ACAD10: variants seen among roughly 807,000 people sequenced by gnomAD.
ACAD10 encodes the protein acyl-CoA dehydrogenase family member 10.
ACAD10 carries 112 observed loss-of-function variants against 116.8 expected under a neutral mutation model. The observed-to-expected ratio is 0.96, with a 90% confidence interval of 0.82 to 1.12. The LOEUF is 1.12. Among genes scored for constraint, ACAD10 ranks in the 50% most tolerant of loss-of-function variants. ACAD10 has a pLI of 0.00. For missense variants in ACAD10, 1,259 were observed against 1,350.2 expected (o/e 0.93, Z 1.06); for synonymous variants, 486 against 510.6 (o/e 0.95, Z 0.65).
intron 5 of ACAD10, chr12:111,709,949 G>T (rs986010488): frequency 1.1e-4 from 49 of 429,718 alleles, no homozygotes; most frequent in Non-Finnish European, 2.0e-4. Context: ...ACCTTTGTGG[G>T]GGTGTTCACA....
At chr12:111,709,412 T>C (rs1474941546) in intron 4 of ACAD10, 114 bp from the exon 5 acceptor site, 2 of 867,790 alleles carry the variant, frequency 2.3e-6, no homozygotes, top group African/African-American at 3.5e-5. Flanking sequence ...AATTACTTGT[T>C]ATAATAAATC....
intron 5 of ACAD10, chr12:111,710,463 C>T (rs536913983): frequency 7.7e-6 from 2 of 258,334 alleles, no homozygotes; most frequent in South Asian, 3.2e-5. Context: ...GTAACATAAT[C>T]TTCTTTCTTC....
At chr12:111,746,705 A>G (rs1199475961) in intron 14 of ACAD10, among the ~76,000 whole-genome samples, 1 of 152,006 alleles carries the variant, frequency 6.6e-6, no homozygotes, top group African/African-American at 2.4e-5. Flanking sequence ...AGCTTGAAAT[A>G]TTAATGTGAG....
intron 11 of ACAD10, among the ~76,000 whole-genome samples, chr12:111,736,339 C>T (rs1027094053): frequency 5.3e-5 from 8 of 151,912 alleles, no homozygotes; most frequent in South Asian, 2.1e-4. Context: ...TACAGGTGCA[C>T]GCCACCATGC....
chr12:111,745,194 T>G, intron 13 of ACAD10, 151 bp downstream of exon 13: 1 of 861,408 alleles, frequency 1.2e-6, no homozygotes, highest in Non-Finnish European at 1.7e-6. Context: ...AAGAGCCAGC[T>G]CTTCATGACT....
chr12:111,722,901 C>T (rs1295272103), intron 8 of ACAD10, among the ~76,000 whole-genome samples: 5 of 151,956 alleles, frequency 3.3e-5, no homozygotes, highest in African/African-American at 4.8e-5. Flanking sequence ...AGCTGTTGGG[C>T]ACACCTCCCA....
chr12:111,753,769 C>G lies in ACAD10; in HGVS notation c.2818-3C>G. The G allele has an allele frequency of 6.2e-7, 1 of 1,613,904 alleles. No homozygotes were observed. Among genetic ancestry groups the G allele is most frequent in the South Asian group, 1.1e-5 (1 of 91,084 alleles). On this transcript the variant is annotated splice_polypyrimidine_tract_variant and splice_region_variant and intron_variant, in intron 18 of 20. Coordinates refer to ENST00000313698, the MANE Select transcript of ACAD10 (RefSeq NM_025247.6). The stretch of plus-strand genomic sequence containing the variant: ...CTCAGCCGCACATCTCCTGTGTCGA[C>G]AGGTGAAGTCCCGCTTGGCTTTTGG...
At chr12:111,711,475 C>G (rs1296980822) in intron 5 of ACAD10, among the ~76,000 whole-genome samples, 4 of 151,716 alleles carry the variant, frequency 2.6e-5, no homozygotes, top group Non-Finnish European at 5.9e-5. Context: ...TCCCAAAGTA[C>G]TGGGATTACA....
chr12:111,693,327 C>T (rs1254897245), intron 2 of ACAD10, among the ~76,000 whole-genome samples: 1 of 152,032 alleles, frequency 6.6e-6, no homozygotes, highest in Non-Finnish European at 1.5e-5. Context: ...TCGTTTGAGC[C>T]CAGGAGTTCA....
chr12:111,756,692 T>C lies in ACAD10; in HGVS notation c.*219T>C, dbSNP rs1393540805. The stretch of plus-strand genomic sequence containing the variant: ...TTCAGGCCAGGAGGAGGGGATTTGC[T>C]GAGGGCCAAGGGGGTTCTGGGACAG... On this transcript the variant is annotated 3_prime_UTR_variant, in exon 21 of 21. Transcript: ENST00000313698. The C allele has an allele frequency of 3.7e-6, 3 of 801,018 alleles. No homozygotes were observed. In the African/African-American group the frequency reaches 5.1e-5, roughly 14 times the overall value. The allele number at this position is 801,018 out of a possible 1,614,324, so 49.6% of individuals were successfully genotyped here. A position where few individuals can be genotyped will look rare whatever the true frequency, so the allele number is the denominator to read the frequency against.
In ACAD10 at chr12:111,727,977, C is replaced by G; in HGVS notation, c.1077C>G (p.Pro359=). The G allele has an allele frequency of 6.2e-7, 1 of 1,610,878 alleles. No individual in the cohort carries two copies. Among genetic ancestry groups the G allele is most frequent in the Non-Finnish European group, 8.5e-7 (1 of 1,179,010 alleles). Residue 359 remains proline (P), a synonymous_variant, in exon 9 of 21, where the codon CCC becomes CCG. Transcript: ENST00000313698. ...LCEDSSVIGT[P]FYVMEYCPGL... is the part of the protein sequence containing the mutation. The stretch of plus-strand genomic sequence containing the variant: ...TTCCTCCCAGTGTCATTGGCACCCC[C>G]TTCTATGTGATGGAGTACTGCCCAG...
intron 2 of ACAD10, among the ~76,000 whole-genome samples, chr12:111,695,989 G>T (rs1888179584): frequency 6.8e-6 from 1 of 147,678 alleles, no homozygotes; most frequent in Non-Finnish European, 1.5e-5. Context: ...GCTGCAGCTT[G>T]GGAGACAGAG....
At chr12:111,694,679 C>T (rs891214742) in intron 2 of ACAD10, among the ~76,000 whole-genome samples, 6 of 152,212 alleles carry the variant, frequency 3.9e-5, no homozygotes, top group Admixed American at 1.3e-4. Flanking sequence ...CTGCCTCTGG[C>T]TCTCTGGATT....
intron 8 of ACAD10, among the ~76,000 whole-genome samples, chr12:111,724,344 C>T (rs906678824): frequency 6.6e-6 from 1 of 152,046 alleles, no homozygotes; most frequent in African/African-American, 2.4e-5. Flanking sequence ...CAGAGGGGCT[C>T]CTCACATCCC....
chr12:111,729,485 G>A (rs1283755593), intron 9 of ACAD10, among the ~76,000 whole-genome samples: 3 of 152,148 alleles, frequency 2.0e-5, no homozygotes, highest in African/African-American at 7.2e-5. Flanking sequence ...GCCTGCGTTG[G>A]CCTCCCAAAG....
Position 111,692,850 on chromosome 12 carries a change from C to G in ACAD10, c.141C>G (p.Phe47Leu). The G allele has an allele frequency of 6.2e-7, 1 of 1,614,176 alleles. No homozygotes were observed. Among genetic ancestry groups the G allele is most frequent in the Non-Finnish European group, 8.5e-7 (1 of 1,180,024 alleles). The change falls in exon 2 of 21, where the codon TTC becomes TTG. Residue 47 changes from phenylalanine (F) to leucine (L), a missense_variant. Transcript: ENST00000313698. ...GCAGCACCTACAGAGCGGTGATTTT[C>G]GACATGGGCGGAGTTCTCATTCCTT... ...LGGSTYRAVI[F>L]DMGGVLIPSP...
At chr12:111,690,131 C>T (rs1447421248) in intron 1 of ACAD10, among the ~76,000 whole-genome samples, 2 of 152,158 alleles carry the variant, frequency 1.3e-5, no homozygotes, top group African/African-American at 4.8e-5. Context: ...ACTTAAGAGT[C>T]CTTTCTCTAG....
chr12:111,722,451 T>A (rs1193833926), intron 8 of ACAD10, among the ~76,000 whole-genome samples: 1 of 151,976 alleles, frequency 6.6e-6, no homozygotes, highest in Admixed American at 6.6e-5. Context: ...TTTGGCTGGG[T>A]CATAGGACAA....
intron 12 of ACAD10, among the ~76,000 whole-genome samples, chr12:111,737,639 A>T (rs1696715932): frequency 6.6e-6 from 1 of 152,138 alleles, no homozygotes; most frequent in Non-Finnish European, 1.5e-5. Flanking sequence ...CTCAAAGATA[A>T]ATGTTACTGT....
Sources: gnomAD v4.1 joint callset for allele counts (sites outside exome capture counted in the v4.1 genomes callset) on GRCh38, gnomAD v4.1.1 for gene constraint, MANE v1.5 for transcripts, NCBI Gene and HGNC (gene_info 2026-07-23, HGNC 2026-07-21) for gene names.